The following SLC27A5 variants were observed in gnomAD, a reference collection of about 807,000 sequenced individuals.
SLC27A5 encodes the protein long-chain fatty acid transport protein 5.
Under a neutral mutation model 63.1 loss-of-function variants are expected in SLC27A5, and 47 were observed. That is an observed-to-expected ratio of 0.74 (90% CI 0.59 to 0.95). The LOEUF is 0.95. SLC27A5 is among the 40% of genes least tolerant of loss of function. The probability of loss-of-function intolerance (pLI) is 0.00; values close to 1 mark genes in which losing one functional copy is unlikely to be tolerated. For missense variants in SLC27A5, 940 were observed against 921.0 expected (o/e 1.02, Z -0.27); for synonymous variants, 391 against 403.8 (o/e 0.97, Z 0.38).
Position 58,501,057 on chromosome 19 carries a change from G to A in SLC27A5, c.1182+229C>T, listed in dbSNP as rs2053268740. On this transcript the variant is annotated intron_variant, in intron 4 of 9. Transcript: ENST00000263093. ...TTTAATGGAAATTCTCATGATAGGGGTAGGGGCTATTATCCCTGTTTTCCA... is the reference window on the plus strand; with the variant it reads ...TTTAATGGAAATTCTCATGATAGGGATAGGGGCTATTATCCCTGTTTTCCA... 4.1e-6 allele frequency: 5 copies of A among 1,226,784 alleles called. No homozygotes were observed. The Admixed American group carries it at 9.1e-5, about 22-fold the overall frequency. The allele number at this position is 1,226,784 out of a possible 1,614,324, so 76.0% of individuals were successfully genotyped here. A position where few individuals can be genotyped will look rare whatever the true frequency, so the allele number is the denominator to read the frequency against.
Position 58,498,648 on chromosome 19 carries a change from C to A in SLC27A5, c.1940G>T (p.Arg647Leu), listed in dbSNP as rs564295346. 887 of 1,614,114 alleles carry A rather than the reference C, an allele frequency of 5.5e-4. 22 individuals carry two copies. The South Asian group carries it at 9.5e-3, about 17-fold the overall frequency. Residue 647 changes from arginine to leucine, a missense_variant, in exon 10 of 10, where the codon CGG becomes CTG. Transcript: ENST00000263093. ...CACATTGAAGCCCTCACGCACCAAC[C>A]GGGTCTTCATCAGTTTGAACGTGCT... The part of the protein sequence containing the change: ...VTSTFKLMKT[R>L]LVREGFNVGI...
chr19:58,499,386 C>T (rs559736570), intron 7 of SLC27A5, 106 bp downstream of exon 7: 2 of 1,389,066 alleles, frequency 1.4e-6, no homozygotes, highest in Non-Finnish European at 2.0e-6. Context: ...CCAAGTTCCG[C>T]CCTCTTACGA....
intron 3 of SLC27A5, chr19:58,508,502 G>A (rs2053371958): frequency 6.7e-6 from 1 of 150,222 alleles, no homozygotes; most frequent in African/African-American, 2.5e-5. Context: ...CTTGCAGTGA[G>A]CTGAGATCGC....
intron 3 of SLC27A5, chr19:58,507,413 G>A (rs1195827193): frequency 4.6e-5 from 7 of 152,114 alleles, no homozygotes; most frequent in Admixed American, 2.6e-4. Flanking sequence ...AATTTCTTAC[G>A]CCTGTCTTAC....
At chr19:58,506,127 A>G (rs1194674069) in intron 3 of SLC27A5, among the ~76,000 whole-genome samples, 5 of 151,022 alleles carry the variant, frequency 3.3e-5, no homozygotes, top group Non-Finnish European at 5.9e-5. Context: ...GACTCTCACT[A>G]TGTTGCCCAG....
intron 2 of SLC27A5, 90 bp from the exon 3 acceptor site, chr19:58,510,095 C>G: frequency 7.3e-7 from 1 of 1,374,394 alleles, no homozygotes. Flanking sequence ...ACAGCCAGGC[C>G]TACATTGGGG....
intron 3 of SLC27A5, among the ~76,000 whole-genome samples, chr19:58,502,776 C>G (rs1273365580): frequency 6.8e-6 from 1 of 146,582 alleles, no homozygotes; most frequent in Admixed American, 6.8e-5. Context: ...GATGGGTGGA[C>G]AGTTAGAGTA....
At chr19:58,499,723 G>C (rs752988030) in intron 6 of SLC27A5, 33 bp from the exon 7 acceptor site, 5 of 1,600,460 alleles carry the variant, frequency 3.1e-6, no homozygotes, top group Admixed American at 1.7e-5. Context: ...AACCCCTGGA[G>C]CCCACCAGCC....
At position 58,499,225 on chromosome 19, in the gene SLC27A5, A is replaced by C. The variant is rs367582262; in HGVS notation, c.1668-5T>G. On this transcript the variant is annotated splice_polypyrimidine_tract_variant and splice_region_variant and intron_variant, in intron 7 of 9. Transcript: ENST00000263093. ...GACACGTTCTCGCCCTTCCATCTGC[A>C]AGGAGGGAGCCGGCGCTTGTGACCA... 1 of 1,613,058 alleles carries C rather than the reference A, an allele frequency of 6.2e-7. No homozygotes were observed. Among genetic ancestry groups the C allele is most frequent in the Non-Finnish European group, 8.5e-7 (1 of 1,179,584 alleles).
At position 58,500,602 on chromosome 19, in the gene SLC27A5, C is replaced by G; in HGVS notation, c.1287G>C (p.Trp429Cys). 6.2e-7 allele frequency: 1 copy of G among 1,614,140 alleles called. No individual in the cohort carries two copies. ...FQQRFGPIRI[W>C]EVYGSTEGNM... ...TGCCTTCTGTGGAGCCGTAGACTTC[C>G]CAGATCCGAATAGGACCGAAGCGCT... Residue 429 changes from tryptophan (W) to cysteine (C), a missense_variant, in exon 5 of 10, where the codon TGG becomes TGC. Coordinates refer to ENST00000263093, the MANE Select transcript of SLC27A5 (RefSeq NM_012254.3).
chr19:58,504,596 G>GGGGGGGGGT, intron 3 of SLC27A5, among the ~76,000 whole-genome samples: 1 of 128,192 alleles, frequency 7.8e-6, no homozygotes, highest in African/African-American at 2.9e-5. Context: ...GGGGCGGGCG[G>GGGGGGGGGT]GGCGGAGCTT....
chr19:58,510,451 G>C (rs1160572341), intron 2 of SLC27A5: 2 of 415,432 alleles, frequency 4.8e-6, no homozygotes, highest in East Asian at 8.4e-5. Context: ...GTGTGTGCCT[G>C]TAATCCCAGC....
chr19:58,511,735 G>T lies in SLC27A5; in HGVS notation c.221C>A (p.Thr74Asn). 6.4e-7 allele frequency: 1 copy of T among 1,553,716 alleles called. No homozygotes were observed. The highest frequency in any genetic ancestry group is 8.7e-7 in the Non-Finnish European group (1 of 1,148,260). The change falls in exon 1 of 10, where the codon ACC (threonine) becomes AAC (asparagine). Residue 74 changes from threonine to asparagine, a missense_variant. Thr to Asn is a moderately conservative substitution (Grantham distance 65). Transcript: ENST00000263093. Reference sequence around the variant, plus strand: ...TGGGGGCAGCCGTGCTGGCAGGAGGGTTAGTGCCAGGGCCGCAGCTGCCAG... The same window carrying T: ...TGGGGGCAGCCGTGCTGGCAGGAGGTTTAGTGCCAGGGCCGCAGCTGCCAG... ...LSLAAAALAL[T>N]LLPARLPPGL...
Position 58,499,579 on chromosome 19 carries a change from C to A in SLC27A5, c.1580G>T (p.Gly527Val), listed in dbSNP as rs1296300618. ...RKLVRNVRQS[G>V]DVYYNTGDVL... is the part of the protein sequence containing the mutation. ...GTCCCCGGTGTTGTAGTAAACGTCG[C>A]CCGATTGCCGCACGTTGCGCACCAG... The change falls in exon 7 of 10, where the codon GGC (glycine) becomes GTC (valine). Residue 527 changes from glycine (G) to valine (V), a missense_variant. By Grantham distance (109) the Gly-to-Val change is moderately radical. Coordinates refer to ENST00000263093, the MANE Select transcript of SLC27A5 (RefSeq NM_012254.3). 1 of 1,612,960 alleles carries A rather than the reference C, an allele frequency of 6.2e-7. No individual in the cohort carries two copies. Among genetic ancestry groups the A allele is most frequent in the African/African-American group, 1.3e-5 (1 of 74,846 alleles).
In SLC27A5 at chr19:58,511,766, GC is replaced by G; in HGVS notation, c.189del (p.Leu64Ter). The G allele has an allele frequency of 6.4e-7, 1 of 1,552,728 alleles. No individual in the cohort carries two copies. Reference sequence around the variant, plus strand: ...GCCAGGGCCGCAGCTGCCAGGCTCAGCCCATGGGGCACCCAGGGGCCGAGCC... The same window carrying G: ...GCCAGGGCCGCAGCTGCCAGGCTCAGCCATGGGGCACCCAGGGGCCGAGCC... ...RPWLGPWVPH[G>X]LSLAAAALAL... On this transcript the variant is annotated frameshift_variant, in exon 1 of 10. Coordinates refer to ENST00000263093, the MANE Select transcript of SLC27A5 (RefSeq NM_012254.3). LOFTEE classifies it high-confidence loss of function.
At chr19:58,505,471 G>A (rs1028392777) in intron 3 of SLC27A5, among the ~76,000 whole-genome samples, 2 of 151,778 alleles carry the variant, frequency 1.3e-5, no homozygotes, top group African/African-American at 4.8e-5. Flanking sequence ...GACCTCAGGT[G>A]ATCCACCAGA....
In SLC27A5 at chr19:58,498,653, C is replaced by G; in HGVS notation, c.1935G>C (p.Lys645Asn). 1 of 1,614,126 alleles carries G rather than the reference C, an allele frequency of 6.2e-7. No individual in the cohort carries two copies. The highest frequency in any genetic ancestry group is 1.1e-5 in the South Asian group (1 of 91,084). The change falls in exon 10 of 10, where the codon AAG (lysine) becomes AAC (asparagine). Residue 645 changes from lysine to asparagine, a missense_variant. By Grantham distance (94) the Lys-to-Asn change is moderately conservative. Coordinates refer to ENST00000263093, the MANE Select transcript of SLC27A5 (RefSeq NM_012254.3). ...TGAAGCCCTCACGCACCAACCGGGT[C>G]TTCATCAGTTTGAACGTGCTGGTGA... ...MEVTSTFKLMKTRLVREGFNV... is the reference protein window; with the variant it reads ...MEVTSTFKLMNTRLVREGFNV...
In SLC27A5 at chr19:58,510,734, G is replaced by A; in HGVS notation, c.885C>T (p.Thr295=). 2.5e-6 allele frequency: 4 copies of A among 1,609,310 alleles called. No individual in the cohort carries two copies. The highest frequency in any genetic ancestry group is 3.4e-6 in the Non-Finnish European group (4 of 1,177,282). The change falls in exon 2 of 10, where the codon ACC becomes ACT. Residue 295 remains threonine, a synonymous_variant. Coordinates refer to ENST00000263093, the MANE Select transcript of SLC27A5 (RefSeq NM_012254.3). The stretch of plus-strand genomic sequence containing the variant: ...GGGCACCCTCACCAGTGGTCCCCGA[G>A]GTATAGATGAAGAGGGCAGGGCTTC... ...TWRSPALFIY[T]SGTTGLPKPA...
chr19:58,499,630 C>A lies in SLC27A5; in HGVS notation c.1529G>T (p.Gly510Val), dbSNP rs1211061486. ...CTTCCGTTCCGACAGCTCTCGGGGG[C>A]CGCGGTAGCCCACGAAGGGTTGCTG... ...VSQQPFVGYRGPRELSERKLV... is the reference protein window; with the variant it reads ...VSQQPFVGYRVPRELSERKLV... The change falls in exon 7 of 10, where the codon GGC becomes GTC. Residue 510 changes from glycine to valine, a missense_variant. By Grantham distance (109) the Gly-to-Val change is moderately radical (BLOSUM62 -3). Transcript: ENST00000263093. The A allele has an allele frequency of 1.9e-6, 3 of 1,612,490 alleles. No individual in the cohort carries two copies. The Admixed American group carries it at 5.0e-5, about 27-fold the overall frequency.
Sources: gnomAD v4.1 joint callset for allele counts (sites outside exome capture counted in the v4.1 genomes callset) on GRCh38, gnomAD v4.1.1 for gene constraint, MANE v1.5 for transcripts, NCBI Gene and HGNC (gene_info 2026-07-23, HGNC 2026-07-21) for gene names.